MALT1: variants seen among roughly 807,000 people sequenced by gnomAD.
The protein encoded by MALT1 is MALT1 paracaspase.
A neutral mutation model predicts 85.5 loss-of-function variants in MALT1; 36 were observed. The observed-to-expected ratio is 0.42, with a 90% CI of 0.32 to 0.56. The LOEUF is 0.56. Ranked by LOEUF, MALT1 falls within the 20% of genes least tolerant of loss-of-function variation. The pLI, the probability that MALT1 is intolerant of heterozygous loss-of-function variation, is 0.10. For missense variants in MALT1, 716 were observed against 981.6 expected (o/e 0.73, Z 3.62); for synonymous variants, 359 against 361.3 (o/e 0.99, Z 0.07).
chr18:58,684,099 A>G (rs2054362454), intron 2 of MALT1, among the ~76,000 whole-genome samples: 3 of 151,888 alleles, frequency 2.0e-5, no homozygotes, highest in Admixed American at 2.0e-4. Flanking sequence ...TACCCAGCTA[A>G]TTTTTGTATT....
At chr18:58,708,755 A>G (rs2054792444) in intron 4 of MALT1, among the ~76,000 whole-genome samples, 1 of 152,218 alleles carries the variant, frequency 6.6e-6, no homozygotes, top group Admixed American at 6.5e-5. Flanking sequence ...TCATTCAATG[A>G]ATATTACTGA....
At chr18:58,683,867 T>G (rs1223404388) in intron 2 of MALT1, among the ~76,000 whole-genome samples, 1 of 152,214 alleles carries the variant, frequency 6.6e-6, no homozygotes, top group African/African-American at 2.4e-5. Context: ...ATTTTTTTCT[T>G]TTTGTTTTTA....
intron 2 of MALT1, 76 bp downstream of exon 2, chr18:58,681,412 G>A (rs1167519030): frequency 2.3e-5 from 31 of 1,375,610 alleles, no homozygotes; most frequent in Non-Finnish European, 2.8e-5. Context: ...TTTTGACCAG[G>A]TGAACTGTGT....
intron 8 of MALT1, 77 bp downstream of exon 8, chr18:58,714,186 T>C (rs2144399401): frequency 1.5e-6 from 1 of 666,538 alleles, no homozygotes; most frequent in East Asian, 2.9e-5. Flanking sequence ...TAGGTACTCT[T>C]TTGCTACAGT....
At chr18:58,745,829 CT>C (rs752446557) in intron 16 of MALT1, 38 bp downstream of exon 16, 9 of 1,582,394 alleles carry the variant, frequency 5.7e-6, no homozygotes, top group Middle Eastern at 3.4e-4. Flanking sequence ...TAATGGAAAA[CT>C]TTATGAAACT....
chr18:58,689,340 C>T (rs2054460302), intron 2 of MALT1, among the ~76,000 whole-genome samples: 1 of 150,216 alleles, frequency 6.7e-6, no homozygotes, highest in Admixed American at 6.6e-5. Context: ...ACCTTTTTTT[C>T]ATTGTAACAT....
Position 58,671,524 on chromosome 18 carries a change from C to A in MALT1, c.-120C>A. ...CTCCTCTGAGGGCCGTGCCGCGCTG[C>A]CAGATTTGTTCTTCCGCCCCTGCCT... is the stretch of plus-strand genomic sequence containing the variant. On this transcript the variant is annotated 5_prime_UTR_variant, in exon 1 of 17. Coordinates refer to ENST00000649217, the MANE Select transcript of MALT1 (RefSeq NM_006785.4). 1 of 573,980 alleles carries A rather than the reference C, an allele frequency of 1.7e-6. No individual in the cohort carries two copies. The highest frequency in any genetic ancestry group is 2.5e-6 in the Non-Finnish European group (1 of 395,276). The allele number at this position is 573,980 out of a possible 1,614,324, so 35.6% of individuals were successfully genotyped here.
intron 6 of MALT1, 32 bp from the exon 7 acceptor site, chr18:58,710,889 A>C: frequency 6.7e-7 from 1 of 1,493,338 alleles, no homozygotes; most frequent in Non-Finnish European, 9.2e-7. Context: ...CATGAATTAC[A>C]ATATATTCAA....
In MALT1 at chr18:58,732,868, T is replaced by C. The variant is rs565056535; in HGVS notation, c.1223-529T>C. ...TACTTCAGACAGCATTTTGATATTGTCTTGAAATGCAAATTTTAAGTGCAG... is the reference window on the plus strand; with the variant it reads ...TACTTCAGACAGCATTTTGATATTGCCTTGAAATGCAAATTTTAAGTGCAG... On this transcript the variant is annotated intron_variant, in intron 10 of 16. Transcript: ENST00000649217. Among the ~76,000 whole-genome samples, 6 of 152,080 alleles carry C rather than the reference T, an allele frequency of 3.9e-5. No individual in the cohort carries two copies. In the East Asian group the frequency reaches 1.2e-3, roughly 29 times the overall value.
chr18:58,686,233 G>A (rs1472605303), intron 2 of MALT1, among the ~76,000 whole-genome samples: 1 of 152,130 alleles, frequency 6.6e-6, no homozygotes, highest in East Asian at 1.9e-4. Flanking sequence ...CACCATGTTG[G>A]CCAGGCTGGT....
chr18:58,738,535 T>C (rs1410072933), intron 13 of MALT1, among the ~76,000 whole-genome samples: 1 of 152,200 alleles, frequency 6.6e-6, no homozygotes, highest in Admixed American at 6.5e-5. Context: ...TCATAGGGTG[T>C]GACAGTATTC....
chr18:58,696,382 A>G lies in MALT1; in HGVS notation c.393A>G (p.Val131=). The part of the protein sequence containing the change: ...LLSPPGIKIT[V]NPESKAVLAG... ...TTTTTTTAGGAATAAAGATTACTGT[A>G]AACCCAGAGTCAAAGGCAGTCTTGG... Residue 131 remains valine (V), a synonymous_variant, in exon 3 of 17, where the codon GTA becomes GTG. Transcript: ENST00000649217. 6.8e-7 allele frequency: 1 copy of G among 1,463,142 alleles called. No individual in the cohort carries two copies. Among genetic ancestry groups the G allele is most frequent in the Non-Finnish European group, 9.1e-7 (1 of 1,094,440 alleles). 90.6% of individuals were successfully genotyped at this position (1,463,142 alleles called of 1,614,324 possible). A position where few individuals can be genotyped will look rare whatever the true frequency, so the allele number is the denominator to read the frequency against.
In MALT1 at chr18:58,719,427, G is replaced by A. The variant is rs553697758; in HGVS notation, c.1018+3460G>A. On this transcript the variant is annotated intron_variant, in intron 9 of 16. Coordinates refer to ENST00000649217, the MANE Select transcript of MALT1 (RefSeq NM_006785.4). ...TCCCGCCCCCAACTTCTTTCTCTTCGTTTCCCTCTCCCTCTTTCCTTTGGT... is the reference window on the plus strand; with the variant it reads ...TCCCGCCCCCAACTTCTTTCTCTTCATTTCCCTCTCCCTCTTTCCTTTGGT... Among the ~76,000 whole-genome samples, 8 of 150,640 alleles carry A rather than the reference G, an allele frequency of 5.3e-5. No homozygotes were observed. In the South Asian group the frequency reaches 6.3e-4, roughly 12 times the overall value.
At chr18:58,724,596 A>G (rs994013613) in intron 10 of MALT1, among the ~76,000 whole-genome samples, 1 of 152,242 alleles carries the variant, frequency 6.6e-6, no homozygotes, top group Non-Finnish European at 1.5e-5. Context: ...TGATGCCACA[A>G]GTGGAAAATT....
At chr18:58,739,022 T>C (rs760973806) in intron 13 of MALT1, among the ~76,000 whole-genome samples, 1 of 152,192 alleles carries the variant, frequency 6.6e-6, no homozygotes, top group Non-Finnish European at 1.5e-5. Context: ...TTAATTTTTT[T>C]GAAAATTTTT....
rs1233458401 is a variant in MALT1, at chr18:58,752,418, A to G, written c.*4576A>G. The G allele has an allele frequency of 2.0e-5, 3 of 152,140 alleles. No homozygotes were observed. Among genetic ancestry groups the G allele is most frequent in the African/African-American group, 4.8e-5 (2 of 41,420 alleles). The allele number at this position is 152,140 out of a possible 1,614,324, so 9.4% of individuals were successfully genotyped here. A position where few individuals can be genotyped will look rare whatever the true frequency, so the allele number is the denominator to read the frequency against. ...TCTGTCAACTGATGTCAGCTACTCAATTTACACATTACTTTTGTGCATTTC... is the reference window on the plus strand; with the variant it reads ...TCTGTCAACTGATGTCAGCTACTCAGTTTACACATTACTTTTGTGCATTTC... On this transcript the variant is annotated 3_prime_UTR_variant, in exon 17 of 17. Transcript: ENST00000649217.
At position 58,700,290 on chromosome 18, in the gene MALT1, G is replaced by A. The variant is rs76167083; in HGVS notation, c.499-151G>A. The A allele has an allele frequency of 1.9e-3, 997 of 525,794 alleles. 11 individuals carry two copies. The East Asian group carries it at 0.03, about 16-fold the overall frequency. 32.6% of individuals were successfully genotyped at this position (525,794 alleles called of 1,614,324 possible). A position where few individuals can be genotyped will look rare whatever the true frequency, so the allele number is the denominator to read the frequency against. ...ACTTCAGTCCTAAATAACTCAAAGC[G>A]TTACTGTTTTTAACTCAGAAATGTT... On this transcript the variant is annotated intron_variant, in intron 3 of 16. Transcript: ENST00000649217.
chr18:58,716,947 C>T (rs1198681226), intron 9 of MALT1, among the ~76,000 whole-genome samples: 1 of 152,144 alleles, frequency 6.6e-6, no homozygotes, highest in East Asian at 1.9e-4. Flanking sequence ...AATGTTGAAA[C>T]CTCTTTTGAG....
chr18:58,693,444 CT>C (rs1197232437), intron 2 of MALT1, among the ~76,000 whole-genome samples: 1 of 152,112 alleles, frequency 6.6e-6, no homozygotes, highest in African/African-American at 2.4e-5. Context: ...AATAAAAGAT[CT>C]AGCTAAGATA....
Sources: gnomAD v4.1 joint callset for allele counts (sites outside exome capture counted in the v4.1 genomes callset) on GRCh38, gnomAD v4.1.1 for gene constraint, MANE v1.5 for transcripts, NCBI Gene and HGNC (gene_info 2026-07-23, HGNC 2026-07-21) for gene names.